Variants in MGMT observed in about 807,000 individuals in gnomAD.
The protein encoded by MGMT is O-6-methylguanine-DNA methyltransferase, also known as methylated-DNA--protein-cysteine methyltransferase.
MGMT carries 14 observed loss-of-function variants against 15.9 expected under a neutral mutation model. That is an observed-to-expected ratio of 0.88 (90% CI 0.58 to 1.37). MGMT has a LOEUF of 1.37. Among genes scored for constraint, MGMT ranks in the 40% most tolerant of loss-of-function variants. The pLI, the probability that MGMT is intolerant of heterozygous loss-of-function variation, is 0.00. For missense variants in MGMT, 282 were observed against 268.1 expected, an observed-to-expected ratio of 1.05 and a Z score of -0.36; for synonymous variants, 130 against 118.2, an observed-to-expected ratio of 1.10 and a Z score of -0.65.
rs149140995 is a variant in MGMT at position 129,660,248 on chromosome 10, A to C, written c.126-47647A>C. Among the ~76,000 whole-genome samples the C allele has an allele frequency of 2.4e-4, 36 of 152,054 alleles. No homozygotes were observed. The East Asian group carries it at 6.6e-3, about 28-fold the overall frequency. On this transcript the variant is annotated intron_variant, in intron 2 of 4. Coordinates refer to ENST00000651593, the MANE Select transcript of MGMT (RefSeq NM_002412.5). ...TGCTGGTGTAAATCTTTTTGCAGTT[A>C]AAGTATTACATTAACCTTTTTGATA...
chr10:129,661,664 GT>G (rs1438278348), intron 2 of MGMT, among the ~76,000 whole-genome samples: 1 of 152,076 alleles, frequency 6.6e-6, no homozygotes, highest in Non-Finnish European at 1.5e-5. Flanking sequence ...TTTCTTAGCA[GT>G]TTAGTGGTGT....
intron 2 of MGMT, among the ~76,000 whole-genome samples, chr10:129,545,748 G>T (rs1846091632): frequency 6.6e-6 from 1 of 152,076 alleles, no homozygotes. Flanking sequence ...ATATCTGTAA[G>T]ATTTTCTGAT....
intron 1 of MGMT, chr10:129,467,528 CTGGCG>C (rs1392651256): frequency 5.3e-6 from 4 of 750,356 alleles, no homozygotes; most frequent in Non-Finnish European, 6.5e-6. Context: ...TGACTGTGGA[CTGGCG>C]TGTGGCGGGG....
chr10:129,665,301 CAACTCTCTCTCTCTCTCT>C, intron 2 of MGMT, among the ~76,000 whole-genome samples: 1 of 148,476 alleles, frequency 6.7e-6, no homozygotes, highest in Middle Eastern at 3.4e-3. Flanking sequence ...CTCTCTCTCC[CAACTCTCTCTCTCTCTCT>C]AACTCAGAAA....
intron 2 of MGMT, among the ~76,000 whole-genome samples, chr10:129,687,971 G>C (rs372038498): frequency 9.4e-4 from 143 of 152,004 alleles, no homozygotes; most frequent in Middle Eastern, 3.4e-3. Context: ...CCTTGCAATA[G>C]TTTGCTGAGA....
In MGMT at chr10:129,533,897, C is replaced by T. The variant is rs534272834; in HGVS notation, c.-12-2344C>T. Among the ~76,000 whole-genome samples the T allele has an allele frequency of 1.4e-3, 209 of 151,830 alleles. 1 individual carries two copies. The highest frequency in any genetic ancestry group is 4.7e-3 in the African/African-American group (193 of 41,398). ...GAGGCAGTCACTTTGGAAGAATGGG[C>T]GGGATGGTGATGATTTGAATGAGAC... On this transcript the variant is annotated intron_variant, in intron 1 of 4. Transcript: ENST00000651593. The surrounding 1 kb of genome is among the most constrained non-coding windows in gnomAD (Gnocchi z 4.5).
At chr10:129,710,482 G>A (rs1469150266) in intron 3 of MGMT, among the ~76,000 whole-genome samples, 1 of 152,184 alleles carries the variant, frequency 6.6e-6, no homozygotes, top group African/African-American at 2.4e-5. Flanking sequence ...GTGGGGGCTG[G>A]GATTCCCCAC....
intron 3 of MGMT, among the ~76,000 whole-genome samples, chr10:129,751,389 TATTG>T (rs1173208413): frequency 3.3e-5 from 5 of 152,112 alleles, no homozygotes; most frequent in Admixed American, 1.3e-4. Flanking sequence ...TTATTCCTGA[TATTG>T]ATTATTTGTT....
rs1157267377 is a variant in MGMT, at chr10:129,633,917, A to G, written c.126-73978A>G. Among the ~76,000 whole-genome samples the G allele has an allele frequency of 2.0e-5, 3 of 152,212 alleles. No homozygotes were observed. The East Asian group carries it at 5.8e-4, about 29-fold the overall frequency. On this transcript the variant is annotated intron_variant, in intron 2 of 4. Coordinates refer to ENST00000651593, the MANE Select transcript of MGMT (RefSeq NM_002412.5). ...TCATAGACAAAATGTAAATGAATTA[A>G]TGCAGCCGTGTTCCAATAAAGTTTT...
At chr10:129,670,720 A>C (rs2133112103) in intron 2 of MGMT, among the ~76,000 whole-genome samples, 1 of 152,316 alleles carries the variant, frequency 6.6e-6, no homozygotes, top group Middle Eastern at 3.4e-3. Context: ...TATTATAAAC[A>C]GTTATGCCAG....
At chr10:129,564,697 T>G (rs557250650) in intron 2 of MGMT, among the ~76,000 whole-genome samples, 6 of 125,982 alleles carry the variant, frequency 4.8e-5, no homozygotes, top group African/African-American at 1.7e-4. Flanking sequence ...CCTCCTCTCC[T>G]TCCTCCTCTT....
At chr10:129,652,084 G>A (rs1227733393) in intron 2 of MGMT, among the ~76,000 whole-genome samples, 10 of 152,308 alleles carry the variant, frequency 6.6e-5, no homozygotes, top group African/African-American at 1.9e-4. Context: ...TTGTGGGATC[G>A]TGTGTAGGAG....
intron 2 of MGMT, among the ~76,000 whole-genome samples, chr10:129,699,450 C>T (rs910940115): frequency 3.3e-5 from 5 of 152,034 alleles, no homozygotes; most frequent in East Asian, 1.9e-4. Flanking sequence ...CATAGCGTGC[C>T]GGTTAAAAAT....
At chr10:129,725,517 C>T (rs1848422380) in intron 3 of MGMT, among the ~76,000 whole-genome samples, 1 of 152,378 alleles carries the variant, frequency 6.6e-6, no homozygotes, top group African/African-American at 2.4e-5. Flanking sequence ...CGTTCCTGGA[C>T]CTGAAACATC....
chr10:129,481,766 T>C (rs764422148), intron 1 of MGMT, among the ~76,000 whole-genome samples: 22 of 152,222 alleles, frequency 1.4e-4, no homozygotes, highest in Non-Finnish European at 3.1e-4. Flanking sequence ...TTAATGTCTG[T>C]GGGATTTTGA....
At chr10:129,536,528 G>T in intron 2 of MGMT, 151 bp downstream of exon 2, 1 of 893,494 alleles carries the variant, frequency 1.1e-6, no homozygotes, top group Non-Finnish European at 1.6e-6. Flanking sequence ...AAAACAGTGT[G>T]CTGCGACGGC....
intron 3 of MGMT, among the ~76,000 whole-genome samples, chr10:129,727,047 G>A (rs1252236800): frequency 2.0e-5 from 3 of 152,182 alleles, no homozygotes; most frequent in Non-Finnish European, 4.4e-5. Flanking sequence ...ATTTGGCCCA[G>A]GGTTCCCTGC....
chr10:129,739,169 T>A lies in MGMT; in HGVS notation c.275-20033T>A, dbSNP rs1848601412. Among the ~76,000 whole-genome samples, 3 of 152,164 alleles carry A rather than the reference T, an allele frequency of 2.0e-5. No individual in the cohort carries two copies. In the South Asian group the frequency reaches 6.2e-4, roughly 31 times the overall value. ...GGAACGTATCTCAAATAATAAGAGCTATTTATGACAAACCCACAGCCAATA... is the reference window on the plus strand; with the variant it reads ...GGAACGTATCTCAAATAATAAGAGCAATTTATGACAAACCCACAGCCAATA... On this transcript the variant is annotated intron_variant, in intron 3 of 4. Coordinates refer to ENST00000651593, the MANE Select transcript of MGMT (RefSeq NM_002412.5).
chr10:129,717,328 T>C, intron 3 of MGMT, among the ~76,000 whole-genome samples: 1 of 152,242 alleles, frequency 6.6e-6, no homozygotes, highest in East Asian at 1.9e-4. Flanking sequence ...TAGCAGATCA[T>C]CCTTCTCCCA....
Sources: allele counts gnomAD v4.1 joint callset (sites outside exome capture counted in the v4.1 genomes callset), GRCh38; gene constraint gnomAD v4.1.1; non-coding constraint Gnocchi (gnomAD v3.1); transcripts MANE v1.5; gene names NCBI Gene and HGNC (gene_info 2026-07-23, HGNC 2026-07-21).